RECK: variants seen among roughly 807,000 people sequenced by gnomAD.
The protein encoded by RECK is reversion inducing cysteine rich protein with kazal motifs.
Under a neutral mutation model 115.1 loss-of-function variants are expected in RECK, and 69 were observed. That is an observed-to-expected ratio of 0.60 (90% CI 0.49 to 0.73). RECK has a LOEUF of 0.73. Among genes scored for constraint, RECK ranks in the 30% least tolerant of loss-of-function variants. The probability of loss-of-function intolerance (pLI) is 0.00; values close to 1 mark genes in which losing one functional copy is unlikely to be tolerated. For synonymous variants in RECK, 414 were observed against 419.7 expected (o/e 0.99, Z 0.17); for missense variants, 1,047 against 1,203.7 (o/e 0.87, Z 1.93).
At chr9:36,063,700 T>C (rs1203415537) in intron 4 of RECK, 95 bp from the exon 5 acceptor site, 2 of 1,131,226 alleles carry the variant, frequency 1.8e-6, no homozygotes, top group Admixed American at 2.0e-5. Context: ...TATGGACAGC[T>C]GCTTTGACTT....
At chr9:36,069,311 G>A (rs987660207) in intron 6 of RECK, among the ~76,000 whole-genome samples, 3 of 151,770 alleles carry the variant, frequency 2.0e-5, no homozygotes, top group Non-Finnish European at 4.4e-5. Context: ...AGGCTGAGGC[G>A]GGTGGATCAC....
At chr9:36,103,079 G>A (rs1478950290) in intron 12 of RECK, among the ~76,000 whole-genome samples, 1 of 152,178 alleles carries the variant, frequency 6.6e-6, no homozygotes, top group Non-Finnish European at 1.5e-5. Flanking sequence ...ATCTCATTGA[G>A]GGATCCTGGA....
chr9:36,047,036 T>C (rs1160378924), intron 1 of RECK, among the ~76,000 whole-genome samples: 1 of 152,204 alleles, frequency 6.6e-6, no homozygotes, highest in African/African-American at 2.4e-5. Flanking sequence ...GTCTGCCTGA[T>C]TGTTTACTTT....
At chr9:36,110,629 T>C (rs1304778527) in intron 15 of RECK, among the ~76,000 whole-genome samples, 4 of 152,218 alleles carry the variant, frequency 2.6e-5, no homozygotes, top group Non-Finnish European at 4.4e-5. Flanking sequence ...TTATTGCCAA[T>C]AGCAACAGCA....
At chr9:36,052,009 C>T (rs1450725041) in intron 1 of RECK, among the ~76,000 whole-genome samples, 1 of 152,184 alleles carries the variant, frequency 6.6e-6, no homozygotes, top group Non-Finnish European at 1.5e-5. Context: ...AGAAAGCACA[C>T]ACTAAATAGT....
intron 2 of RECK, chr9:36,056,864 G>T: frequency 4.1e-6 from 2 of 486,090 alleles, no homozygotes; most frequent in Non-Finnish European, 5.4e-6. Context: ...TTCACTAGGC[G>T]TTGCAAAATA....
chr9:36,088,761 G>A (rs1238238381), intron 9 of RECK, among the ~76,000 whole-genome samples: 4 of 152,366 alleles, frequency 2.6e-5, no homozygotes, highest in Admixed American at 1.3e-4. Flanking sequence ...GCTCATGCCT[G>A]TAATCCCAAC....
intron 13 of RECK, 145 bp downstream of exon 13, chr9:36,105,428 A>T: frequency 2.8e-6 from 2 of 715,876 alleles, no homozygotes; most frequent in Non-Finnish European, 4.5e-6. Flanking sequence ...TTCATGTTCT[A>T]TATTATGTTT....
At chr9:36,089,826 T>C (rs996058412) in intron 9 of RECK, among the ~76,000 whole-genome samples, 5 of 152,058 alleles carry the variant, frequency 3.3e-5, no homozygotes, top group African/African-American at 1.2e-4. Flanking sequence ...AGATGAGGGA[T>C]ACCCAACCTA....
Position 36,105,291 on chromosome 9 carries a change from G to A in RECK, c.1576+8G>A, listed in dbSNP as rs770364584. On this transcript the variant is annotated splice_region_variant and intron_variant, in intron 13 of 20. Transcript: ENST00000377966. ...CATACTTTTGTGTTCAAGGTAAGAG[G>A]TAGGTGGGTGTGAGAAGAGGATGGA... 6.2e-6 allele frequency: 10 copies of A among 1,613,756 alleles called. No individual in the cohort carries two copies. Among genetic ancestry groups the A allele is most frequent in the Non-Finnish European group, 8.5e-6 (10 of 1,179,804 alleles).
intron 17 of RECK, among the ~76,000 whole-genome samples, chr9:36,117,448 T>G (rs906935937): frequency 9.8e-5 from 15 of 152,288 alleles, no homozygotes; most frequent in Middle Eastern, 3.4e-3. Flanking sequence ...AACTTAAAAG[T>G]TTCACAACCC....
In RECK at chr9:36,083,581, T is replaced by C. The variant is rs1478193954; in HGVS notation, c.637+19T>C. 11 of 1,600,170 alleles carry C rather than the reference T, an allele frequency of 6.9e-6. No homozygotes were observed. Among genetic ancestry groups the C allele is most frequent in the Non-Finnish European group, 9.4e-6 (11 of 1,170,618 alleles). ...ACGGATAGTAAGTAAAAGGGACATA[T>C]TCTTCTCATTTCAATCTTTGGTAAA... On this transcript the variant is annotated intron_variant, in intron 8 of 20. Coordinates refer to ENST00000377966, the MANE Select transcript of RECK (RefSeq NM_021111.3).
chr9:36,120,634 A>AC (rs1449861524), intron 18 of RECK, 29 bp from the exon 19 acceptor site: 1 of 1,524,490 alleles, frequency 6.6e-7, no homozygotes, highest in Admixed American at 1.7e-5. Context: ...CTAATTCTGA[A>AC]CGCACATAAA....
chr9:36,078,049 G>T (rs1183435358), intron 6 of RECK, among the ~76,000 whole-genome samples: 2 of 152,130 alleles, frequency 1.3e-5, no homozygotes, highest in Non-Finnish European at 2.9e-5. Context: ...AAAAAAGTAG[G>T]TAAATGAAAA....
intron 10 of RECK, 63 bp from the exon 11 acceptor site, chr9:36,100,268 A>G: frequency 1.5e-6 from 2 of 1,369,714 alleles, no homozygotes; most frequent in Non-Finnish European, 2.0e-6. Flanking sequence ...TCAGGATTTT[A>G]CTTGTTGCTT....
chr9:36,122,902 CCT>C lies in RECK; in HGVS notation c.2780_2781del (p.Ser927CysfsTer44), dbSNP rs776102622. The C allele has an allele frequency of 3.1e-6, 5 of 1,614,036 alleles. No homozygotes were observed. In the African/African-American group the frequency reaches 6.7e-5, roughly 22 times the overall value. ...CAGCCCGACTTTGGCGTCCCATGTC[CCT>C]CTCTCTGCCCTCATCATTTCCCAGG... is the stretch of plus-strand genomic sequence containing the variant. ...SDSPTLASHV[P>X]LSALIISQVQ... is the part of the protein sequence containing the mutation. On this transcript the variant is annotated frameshift_variant, in exon 21 of 21. Coordinates refer to ENST00000377966, the MANE Select transcript of RECK (RefSeq NM_021111.3). LOFTEE classifies it low-confidence loss of function (END_TRUNC).
intron 1 of RECK, among the ~76,000 whole-genome samples, chr9:36,039,496 A>G (rs1820792704): frequency 6.6e-6 from 1 of 152,170 alleles, no homozygotes; most frequent in South Asian, 2.1e-4. Context: ...CAACTTTGCA[A>G]ATCTTATTAC....
chr9:36,062,543 T>C (rs544099081), intron 4 of RECK, among the ~76,000 whole-genome samples: 1 of 152,134 alleles, frequency 6.6e-6, no homozygotes, highest in South Asian at 2.1e-4. Context: ...AGTGGTGCAG[T>C]CTCGGCCCAC....
Position 36,099,625 on chromosome 9 carries a change from G to A in RECK, c.1086-706G>A, listed in dbSNP as rs930901222. On this transcript the variant is annotated intron_variant, in intron 10 of 20. Transcript: ENST00000377966. ...CTCCTGAGTAGCTGGAACTAGAGGC[G>A]TGCCACAATTTTTTTGTTTGTTTGT... Among the ~76,000 whole-genome samples, 12 of 151,924 alleles carry A rather than the reference G, an allele frequency of 7.9e-5. No individual in the cohort carries two copies. The East Asian group carries it at 1.2e-3, about 15-fold the overall frequency.
Sources: gnomAD v4.1 joint callset for allele counts (sites outside exome capture counted in the v4.1 genomes callset) on GRCh38, gnomAD v4.1.1 for gene constraint, MANE v1.5 for transcripts, NCBI Gene and HGNC (gene_info 2026-07-23, HGNC 2026-07-21) for gene names.